Variants in RSPH10B observed in about 807,000 individuals in gnomAD.
RSPH10B encodes the protein radial spoke head 10 homolog B, also known as radial spoke head 10 homolog B (Chlamydomonas).
In RSPH10B, 7 loss-of-function variants were observed where a neutral mutation model predicts 52.5. That is an observed-to-expected ratio of 0.13 (90% CI 0.08 to 0.25). The LOEUF is 0.25. Among genes scored for constraint, RSPH10B ranks in the 10% least tolerant of loss-of-function variants. The pLI is 1.00. For missense variants in RSPH10B, 89 were observed against 542.5 expected, an observed-to-expected ratio of 0.16 and a Z score of 8.30; for synonymous variants, 28 against 193.2, an observed-to-expected ratio of 0.14 and a Z score of 7.09.
chr7:5,943,228 G>A (rs1447915001), intron 13 of RSPH10B, 96 bp downstream of exon 15: 20 of 1,565,078 alleles, frequency 1.3e-5, no homozygotes, highest in Non-Finnish European at 1.6e-5. Context: ...ATCTTCACCT[G>A]ATTATTTGCA....
chr7:5,927,084 G>GTATATATATATGTGTA (rs1164900886), intron 18 of RSPH10B, among the ~76,000 whole-genome samples: 2 of 106,540 alleles, frequency 1.9e-5, no homozygotes, highest in Non-Finnish European at 3.7e-5. Context: ...GTGTGTGTGT[G>GTATATATATATGTGTA]TGTGTGTGTG....
At chr7:5,931,304 G>T (rs1284491531) in intron 17 of RSPH10B, among the ~76,000 whole-genome samples, 3 of 150,830 alleles carry the variant, frequency 2.0e-5, no homozygotes, top group Non-Finnish European at 4.4e-5. Context: ...TGGAGGAGGA[G>T]TAACGGGAAA....
chr7:5,940,047 A>G (rs1268147076), intron 13 of RSPH10B, among the ~76,000 whole-genome samples: 1 of 127,950 alleles, frequency 7.8e-6, no homozygotes, highest in African/African-American at 2.7e-5. Context: ...ATACAAAAAA[A>G]TTAGCTGCGC....
chr7:5,928,541 T>G (rs1227890327), intron 17 of RSPH10B, 147 bp from the exon 20 acceptor site: 15 of 1,179,236 alleles, frequency 1.3e-5, no homozygotes, highest in Non-Finnish European at 1.9e-5. Context: ...GCTGCTTCCA[T>G]GACCACCTGG....
chr7:5,943,058 C>T (rs1365256694), intron 13 of RSPH10B, among the ~76,000 whole-genome samples: 9 of 150,248 alleles, frequency 6.0e-5, no homozygotes, highest in African/African-American at 2.2e-4. Context: ...TATATATATG[C>T]ATGCCATGGG....
intron 18 of RSPH10B, among the ~76,000 whole-genome samples, chr7:5,927,070 A>ATGTG (rs748036363): frequency 0.19 from 21,405 of 109,814 alleles, 1,221 homozygotes; most frequent in Non-Finnish European, 0.24. Flanking sequence ...GTGTGTGTAT[A>ATGTG]TGTGTGTGTG....
chr7:5,933,015 CTTTTTT>C, intron 16 of RSPH10B, 140 bp from the exon 19 acceptor site: 5 of 27,304 alleles, frequency 1.8e-4, no homozygotes, highest in Non-Finnish European at 2.7e-4. Flanking sequence ...TTTAATTTGA[CTTTTTT>C]TTTTTTTTTT....
At chr7:5,961,234 T>C (rs1476902816) in intron 3 of RSPH10B, among the ~76,000 whole-genome samples, 8 of 138,216 alleles carry the variant, frequency 5.8e-5, no homozygotes, top group Admixed American at 2.9e-4. Flanking sequence ...ACACTTGTAA[T>C]CACAGCACTT....
At chr7:5,955,021 C>T (rs1263279132) in intron 7 of RSPH10B, among the ~76,000 whole-genome samples, 1 of 102,176 alleles carries the variant, frequency 9.8e-6, no homozygotes, top group South Asian at 4.8e-4. Context: ...AAAAAAGAGC[C>T]GGGCGTGGTG....
intron 14 of RSPH10B, 127 bp downstream of exon 16, chr7:5,938,595 A>AG (rs1276504436): frequency 1.2e-5 from 1 of 80,418 alleles, no homozygotes; most frequent in East Asian, 4.1e-4. Flanking sequence ...AAAAAAAAAA[A>AG]AAAAGCATCA....
At chr7:5,956,577 A>G (rs1466052010) in intron 6 of RSPH10B, among the ~76,000 whole-genome samples, 1 of 135,784 alleles carries the variant, frequency 7.4e-6, no homozygotes, top group Non-Finnish European at 1.6e-5. Flanking sequence ...GCTTTTATAT[A>G]TTTTTATTTT....
At chr7:5,926,178 TGGGGG>T in exon 19 of RSPH10B, 1 of 454,754 alleles carries the variant, frequency 2.2e-6, no homozygotes, top group Non-Finnish European at 4.1e-6. Flanking sequence ...TTTGCAGAGA[TGGGGG>T]GGTCTCACTA....
chr7:5,941,497 C>A (rs898694195), intron 13 of RSPH10B, among the ~76,000 whole-genome samples: 3 of 148,750 alleles, frequency 2.0e-5, no homozygotes, highest in African/African-American at 4.9e-5. Flanking sequence ...GTAATCCCAG[C>A]ACTTTGGGAG....
chr7:5,939,638 G>A (rs1279666304), intron 13 of RSPH10B, among the ~76,000 whole-genome samples: 28 of 53,076 alleles, frequency 5.3e-4, no homozygotes, highest in Non-Finnish European at 8.4e-4. Flanking sequence ...ACACACACAC[G>A]TATTTACCTC....
intron 1 of RSPH10B, 103 bp from the exon 4 acceptor site, chr7:5,965,815 A>G (rs1781082007): frequency 5.2e-6 from 1 of 191,966 alleles, no homozygotes; most frequent in Non-Finnish European, 8.2e-6. Context: ...ATGAAGTCAG[A>G]AAAAAAAAAA....
rs775352215 is a variant in RSPH10B, at chr7:5,957,930, C to T, written c.757G>A (p.Gly253Arg). The stretch of plus-strand genomic sequence containing the variant: ...ACCTGGATGCCCCTCTCCCACCGCC[C>T]GGTGTACTCTTCGTTGGTGGTCAGC... The change falls in exon 6 of 19, where the codon GGG becomes AGG. Residue 253 changes from glycine to arginine, a missense_variant. Physicochemically the swap from Gly to Arg is moderately radical, Grantham distance 125. Transcript: ENST00000337579. The T allele has an allele frequency of 2.6e-5, 34 of 1,315,572 alleles. 1 individual carries two copies. In the Middle Eastern group the frequency reaches 8.3e-4, roughly 32 times the overall value. 81.5% of individuals were successfully genotyped at this position (1,315,572 alleles called of 1,614,324 possible).
At chr7:5,959,170 TAC>T in intron 4 of RSPH10B, 92 bp from the exon 7 acceptor site, 2 of 697,858 alleles carry the variant, frequency 2.9e-6, no homozygotes, top group South Asian at 1.6e-5. Flanking sequence ...AAGTAGAACC[TAC>T]ACAGAGGTCA....
chr7:5,928,455 C>T (rs6947898), intron 17 of RSPH10B, 61 bp from the exon 20 acceptor site: 181,979 of 1,559,334 alleles, frequency 0.12, 2,237 homozygotes, highest in South Asian at 0.17. Flanking sequence ...TGGGGGTCTG[C>T]GTGCTTTTTC....
chr7:5,928,648 T>TC, intron 17 of RSPH10B, among the ~76,000 whole-genome samples: 1 of 132,796 alleles, frequency 7.5e-6, no homozygotes, highest in African/African-American at 2.8e-5. Context: ...TTTTTTTTTT[T>TC]GGAGACAGAA....
Sources: gnomAD v4.1 joint callset for allele counts (sites outside exome capture counted in the v4.1 genomes callset) on GRCh38, gnomAD v4.1.1 for gene constraint, MANE v1.5 for transcripts, NCBI Gene and HGNC (gene_info 2026-07-23, HGNC 2026-07-21) for gene names.